Variants in ATG7 observed in about 807,000 individuals in gnomAD.
The protein encoded by ATG7 is autophagy related 7.
A neutral mutation model predicts 82.4 loss-of-function variants in ATG7; 70 were observed. That is an observed-to-expected ratio of 0.85 (90% CI 0.70 to 1.04). ATG7 has a LOEUF of 1.04. Among genes scored for constraint, ATG7 ranks in the 50% least tolerant of loss-of-function variants. ATG7 has a pLI of 0.00. For missense variants in ATG7, 792 were observed against 864.3 expected, an observed-to-expected ratio of 0.92 and a Z score of 1.05; for synonymous variants, 287 against 313.0, an observed-to-expected ratio of 0.92 and a Z score of 0.88.
intron 19 of ATG7, among the ~76,000 whole-genome samples, chr3:11,382,277 CAT>C (rs199617802): frequency 6.6e-6 from 1 of 152,092 alleles, no homozygotes; most frequent in Non-Finnish European, 1.5e-5. Context: ...ATTATATACA[CAT>C]ATATATAGAG....
chr3:11,290,801 C>A, intron 3 of ATG7: 1 of 164,206 alleles, frequency 6.1e-6, no homozygotes, highest in Non-Finnish European at 1.3e-5. Context: ...TCTCCTGCCT[C>A]AGCCTCCTGA....
rs202109061 is a variant in ATG7 at position 11,554,879 on chromosome 3, G to A, written c.*36G>A. The A allele has an allele frequency of 2.0e-5, 32 of 1,606,696 alleles. No individual in the cohort carries two copies. Among genetic ancestry groups the A allele is most frequent in the Admixed American group, 6.7e-5 (4 of 59,582 alleles). On this transcript the variant is annotated 3_prime_UTR_variant, in exon 21 of 21. Transcript: ENST00000693202. ...CTGTGGGGCTGACTTCTCCCCGGCC[G>A]CCTGCTGAGGAGCTCTCCATCGCCA... is the stretch of plus-strand genomic sequence containing the variant.
intron 20 of ATG7, chr3:11,510,174 C>T (rs986090303): frequency 1.3e-5 from 6 of 456,260 alleles, no homozygotes; most frequent in Non-Finnish European, 2.6e-5. Flanking sequence ...TATATCTTTA[C>T]CCCCTTTCAG....
chr3:11,347,736 T>A, intron 13 of ATG7, 141 bp from the exon 14 acceptor site: 1 of 861,684 alleles, frequency 1.2e-6, no homozygotes, highest in Middle Eastern at 3.8e-4. Context: ...TAACCTGAAT[T>A]TGCACAATTC....
intron 19 of ATG7, among the ~76,000 whole-genome samples, chr3:11,398,376 A>G (rs971038937): frequency 6.6e-6 from 1 of 152,208 alleles, no homozygotes; most frequent in Non-Finnish European, 1.5e-5. Flanking sequence ...ATAGATGTAT[A>G]CTGATTCCAC....
intron 20 of ATG7, among the ~76,000 whole-genome samples, chr3:11,473,489 T>C (rs1425457659): frequency 6.6e-6 from 1 of 152,152 alleles, no homozygotes; most frequent in Non-Finnish European, 1.5e-5. Flanking sequence ...TTAGAACGGA[T>C]GGAAAAACTC....
chr3:11,455,952 A>G (rs983320642), intron 20 of ATG7, among the ~76,000 whole-genome samples: 3 of 152,164 alleles, frequency 2.0e-5, no homozygotes, highest in African/African-American at 4.8e-5. Context: ...GGCATTGTCT[A>G]TATTCTTGTT....
intron 20 of ATG7, among the ~76,000 whole-genome samples, chr3:11,480,122 G>A (rs778502563): frequency 6.6e-5 from 10 of 151,904 alleles, no homozygotes; most frequent in South Asian, 2.1e-4. Flanking sequence ...TAGTAGAGAC[G>A]GGGTTTCACT....
intron 8 of ATG7, among the ~76,000 whole-genome samples, chr3:11,313,901 GT>G (rs1422485397): frequency 6.6e-6 from 1 of 152,186 alleles, no homozygotes; most frequent in African/African-American, 2.4e-5. Flanking sequence ...TGCCTGGTCT[GT>G]AAAGTCATTT....
intron 20 of ATG7, among the ~76,000 whole-genome samples, chr3:11,551,847 C>G (rs2071825086): frequency 6.6e-6 from 1 of 152,116 alleles, no homozygotes; most frequent in African/African-American, 2.4e-5. Flanking sequence ...CTCCTGAGTT[C>G]AAGCCATTCT....
At chr3:11,282,138 C>G (rs919997742) in intron 2 of ATG7, 55 bp from the exon 3 acceptor site, 3 of 152,358 alleles carry the variant, frequency 2.0e-5, no homozygotes, top group African/African-American at 7.2e-5. Context: ...GGCATTATTG[C>G]TTCCTCTCTC....
intron 20 of ATG7, among the ~76,000 whole-genome samples, chr3:11,544,363 C>T (rs1372514242): frequency 1.3e-5 from 2 of 152,220 alleles, no homozygotes; most frequent in Non-Finnish European, 2.9e-5. Context: ...TGAGGCCCCC[C>T]ATCTGCAGAG....
Position 11,484,186 on chromosome 3 carries a change from G to A in ATG7, c.2079+57260G>A, listed in dbSNP as rs555159611. On this transcript the variant is annotated intron_variant, in intron 20 of 20. Transcript: ENST00000693202. ...AGGCAGGTGAATCACTGGAGGCCAG[G>A]AATTCGAGACCAGCCTGGCCAATAC... 4.5e-4 allele frequency among the ~76,000 whole-genome samples: 69 copies of A among 152,272 alleles called. No individual in the cohort carries two copies. The South Asian group carries it at 0.014, about 30-fold the overall frequency.
rs993435446 is a variant in ATG7, at chr3:11,528,066, G to A, written c.2080-26745G>A. Among the ~76,000 whole-genome samples the A allele has an allele frequency of 4.6e-5, 7 of 152,212 alleles. No individual in the cohort carries two copies. The East Asian group carries it at 7.7e-4, about 17-fold the overall frequency. Reference sequence around the variant, plus strand: ...GTGGTCCCTTCTGCTTCAATTGTGGGCCTTCTGTTGCCTTCTCATGTTGGG... The same window carrying A: ...GTGGTCCCTTCTGCTTCAATTGTGGACCTTCTGTTGCCTTCTCATGTTGGG... On this transcript the variant is annotated intron_variant, in intron 20 of 20. Transcript: ENST00000693202.
chr3:11,450,327 C>G (rs1351740319), intron 20 of ATG7, among the ~76,000 whole-genome samples: 1 of 152,190 alleles, frequency 6.6e-6, no homozygotes, highest in Non-Finnish European at 1.5e-5. Context: ...AGTTGAATTC[C>G]TCTTCCCAGT....
At chr3:11,518,072 T>C (rs1490881443) in intron 20 of ATG7, among the ~76,000 whole-genome samples, 1 of 151,682 alleles carries the variant, frequency 6.6e-6, no homozygotes, top group Non-Finnish European at 1.5e-5. Context: ...GGATGGTGAG[T>C]GGGAGAGAGG....
intron 20 of ATG7, among the ~76,000 whole-genome samples, chr3:11,478,765 A>G (rs1254129034): frequency 6.6e-6 from 1 of 152,208 alleles, no homozygotes; most frequent in Non-Finnish European, 1.5e-5. Flanking sequence ...TGGAGAAGTT[A>G]TGAATCATCC....
At chr3:11,422,226 G>C (rs1185155122) in intron 19 of ATG7, among the ~76,000 whole-genome samples, 1 of 152,184 alleles carries the variant, frequency 6.6e-6, no homozygotes, top group Non-Finnish European at 1.5e-5. Flanking sequence ...AGCTACGAAA[G>C]TCCTAGGTGG....
At chr3:11,323,839 A>G (rs1356385068) in intron 9 of ATG7, among the ~76,000 whole-genome samples, 5 of 152,130 alleles carry the variant, frequency 3.3e-5, no homozygotes, top group Admixed American at 3.3e-4. Flanking sequence ...TTTCCCCCAT[A>G]CTTTAAAAAC....
Sources: gnomAD v4.1 joint callset for allele counts (sites outside exome capture counted in the v4.1 genomes callset) on GRCh38, gnomAD v4.1.1 for gene constraint, MANE v1.5 for transcripts, NCBI Gene and HGNC (gene_info 2026-07-23, HGNC 2026-07-21) for gene names.